Variants in PPP2R3A observed in about 807,000 individuals in gnomAD.
The protein encoded by PPP2R3A is protein phosphatase 2 regulatory subunit B''alpha.
In PPP2R3A, 80 loss-of-function variants were observed where a neutral mutation model predicts 106.9. The observed-to-expected ratio is 0.75, with a 90% confidence interval of 0.62 to 0.90. PPP2R3A has a LOEUF of 0.90. PPP2R3A is among the 40% of genes least tolerant of loss of function. The pLI is 0.00. For missense variants in PPP2R3A, 1,386 were observed against 1,350.4 expected (o/e 1.03, Z -0.41); for synonymous variants, 483 against 468.3 (o/e 1.03, Z -0.41).
At chr3:135,992,855 ACT>A (rs1279257915) in intron 1 of PPP2R3A, among the ~76,000 whole-genome samples, 1 of 152,134 alleles carries the variant, frequency 6.6e-6, no homozygotes, top group Admixed American at 6.6e-5. Flanking sequence ...AAAGCACAAA[ACT>A]CTGAGGAAGA....
chr3:136,001,246 A>G lies in PPP2R3A; in HGVS notation c.-253A>G. 2 of 482,266 alleles carry G rather than the reference A, an allele frequency of 4.1e-6. No homozygotes were observed. Among genetic ancestry groups the G allele is most frequent in the South Asian group, 4.9e-5 (1 of 20,436 alleles). The allele number at this position is 482,266 out of a possible 1,614,324, so 29.9% of individuals were successfully genotyped here. Reference sequence around the variant, plus strand: ...CAAAATAATTCTGCAGTATCATAATATTACTAAATAAAATTAAAAAGCACA... The same window carrying G: ...CAAAATAATTCTGCAGTATCATAATGTTACTAAATAAAATTAAAAAGCACA... On this transcript the variant is annotated 5_prime_UTR_variant, in exon 2 of 14. In the 5' UTR this introduces an upstream ATG that the reference lacks. Coordinates refer to ENST00000264977, the MANE Select transcript of PPP2R3A (RefSeq NM_002718.5).
rs559440192 is a variant in PPP2R3A, at chr3:135,978,648, AAG to A, written c.-441+12802_-441+12803del. 1.5e-3 allele frequency among the ~76,000 whole-genome samples: 221 copies of A among 151,978 alleles called. 6 individuals carry two copies. Among genetic ancestry groups the A allele is most frequent in the African/African-American group, 5.0e-3 (206 of 41,268 alleles). On this transcript the variant is annotated intron_variant, in intron 1 of 13. Transcript: ENST00000264977. ...AATGTGTTACAAAGAAATTCTCTCA[AAG>A]AGCAGTGTGAAACCATTTCTTCTAC... is the stretch of plus-strand genomic sequence containing the variant.
Position 136,001,564 on chromosome 3 carries a change from G to A in PPP2R3A, c.66G>A (p.Arg22=). 3 of 1,614,160 alleles carry A rather than the reference G, an allele frequency of 1.9e-6. No individual in the cohort carries two copies. ...VNHYSSVVID[R]RFEQAIHYCT... is the part of the protein sequence containing the mutation. ...ACTACAGCAGCGTGGTGATAGACCG[G>A]CGTTTTGAACAAGCTATACATTATT... Residue 22 remains arginine (R), a synonymous_variant, in exon 2 of 14, where the codon CGG becomes CGA. Transcript: ENST00000264977.
rs201533730 is a variant in PPP2R3A, at chr3:136,146,881, AT to A, written c.*1716del. ...AGATAGAAATACAAAAAAAAAAAAA[AT>A]ACTTTTCTTAGAAGCCAGATATGGT... On this transcript the variant is annotated 3_prime_UTR_variant, in exon 14 of 14. Coordinates refer to ENST00000264977, the MANE Select transcript of PPP2R3A (RefSeq NM_002718.5). 7.1e-3 allele frequency: 1,073 copies of A among 152,098 alleles called. 17 individuals are homozygous for A. Among genetic ancestry groups the A allele is most frequent in the African/African-American group, 0.025 (1,023 of 41,470 alleles). The allele number at this position is 152,098 out of a possible 1,614,324, so 9.4% of individuals were successfully genotyped here.
intron 10 of PPP2R3A, among the ~76,000 whole-genome samples, chr3:136,094,026 T>C (rs759171850): frequency 1.2e-4 from 18 of 152,226 alleles, no homozygotes; most frequent in Non-Finnish European, 1.9e-4. Context: ...CCAAGTATTA[T>C]ACAGCAGTAA....
chr3:136,012,826 G>A (rs1318223515), intron 2 of PPP2R3A, among the ~76,000 whole-genome samples: 2 of 152,068 alleles, frequency 1.3e-5, no homozygotes, highest in Non-Finnish European at 2.9e-5. Context: ...GGTTTTGGGG[G>A]CACAGGTGGT....
chr3:136,055,368 G>A, intron 5 of PPP2R3A: 1 of 959,638 alleles, frequency 1.0e-6, no homozygotes, highest in Non-Finnish European at 1.7e-6. Flanking sequence ...GCTACCTCAG[G>A]TCCACAGGTA....
Position 136,145,911 on chromosome 3 carries a change from T to TTATC in PPP2R3A, c.*747_*750dup, listed in dbSNP as rs1321415840. 2 of 152,228 alleles carry TTATC rather than the reference T, an allele frequency of 1.3e-5. No individual in the cohort carries two copies. Among genetic ancestry groups the TTATC allele is most frequent in the Non-Finnish European group, 2.9e-5 (2 of 68,028 alleles). The allele number at this position is 152,228 out of a possible 1,614,324, so 9.4% of individuals were successfully genotyped here. On this transcript the variant is annotated 3_prime_UTR_variant, in exon 14 of 14. Coordinates refer to ENST00000264977, the MANE Select transcript of PPP2R3A (RefSeq NM_002718.5). ...TACTTGGAAAAAGCCCTTTTAACTT[T>TTATC]TATCTTTTATTCATTGAACTATTGA...
chr3:136,110,990 A>T (rs1460660657), intron 13 of PPP2R3A, among the ~76,000 whole-genome samples: 4 of 152,194 alleles, frequency 2.6e-5, no homozygotes, highest in African/African-American at 9.7e-5. Flanking sequence ...CAAACCTAAA[A>T]TTCTGTTCTT....
chr3:136,083,489 A>G (rs983486517), intron 8 of PPP2R3A, among the ~76,000 whole-genome samples: 2 of 152,136 alleles, frequency 1.3e-5, no homozygotes, highest in African/African-American at 2.4e-5. Flanking sequence ...ATGTGGAACT[A>G]TGAGTCCATT....
chr3:135,991,834 G>A (rs941598632), intron 1 of PPP2R3A, among the ~76,000 whole-genome samples: 2 of 152,012 alleles, frequency 1.3e-5, no homozygotes, highest in African/African-American at 4.8e-5. Context: ...TCTCCACTGC[G>A]GTAAAAATAA....
intron 13 of PPP2R3A, among the ~76,000 whole-genome samples, chr3:136,108,514 A>C (rs992547446): frequency 1.3e-5 from 2 of 152,176 alleles, no homozygotes; most frequent in Non-Finnish European, 2.9e-5. Context: ...AGACAAAAGA[A>C]TATATGAAAT....
At chr3:136,079,693 C>T (rs1222387452) in intron 7 of PPP2R3A, among the ~76,000 whole-genome samples, 1 of 151,936 alleles carries the variant, frequency 6.6e-6, no homozygotes, top group Non-Finnish European at 1.5e-5. Flanking sequence ...AAGCGTGAGC[C>T]ACCATGCCTG....
At chr3:136,094,848 AG>A (rs778867690) in intron 10 of PPP2R3A, among the ~76,000 whole-genome samples, 5 of 152,248 alleles carry the variant, frequency 3.3e-5, no homozygotes, top group Admixed American at 6.5e-5. Context: ...GAAAACAGAA[AG>A]GGAAGGAATA....
intron 2 of PPP2R3A, among the ~76,000 whole-genome samples, chr3:136,014,792 T>C (rs1269553238): frequency 1.3e-5 from 2 of 152,168 alleles, no homozygotes; most frequent in Non-Finnish European, 2.9e-5. Flanking sequence ...TGACTTCTTC[T>C]TTACCTATTT....
At chr3:136,136,570 A>G (rs1938632473) in intron 13 of PPP2R3A, among the ~76,000 whole-genome samples, 3 of 152,146 alleles carry the variant, frequency 2.0e-5, no homozygotes, top group Admixed American at 1.3e-4. Flanking sequence ...TTGTTTTACC[A>G]TTAGATTGTG....
At chr3:136,007,837 A>G (rs6775778) in intron 2 of PPP2R3A, among the ~76,000 whole-genome samples, 26,590 of 152,174 alleles carry the variant, frequency 0.17, 2,894 homozygotes, top group Non-Finnish European at 0.24. Context: ...GGAAAAGGAT[A>G]TTTCTGGCCG....
chr3:136,136,507 A>AT (rs1358265061), intron 13 of PPP2R3A, among the ~76,000 whole-genome samples: 3 of 152,188 alleles, frequency 2.0e-5, no homozygotes, highest in Non-Finnish European at 4.4e-5. Flanking sequence ...GATAATGTAT[A>AT]TAATGAATCT....
intron 13 of PPP2R3A, among the ~76,000 whole-genome samples, chr3:136,129,067 G>A (rs1411239081): frequency 1.3e-5 from 2 of 151,920 alleles, no homozygotes; most frequent in Non-Finnish European, 2.9e-5. Flanking sequence ...GAGAAAGCAG[G>A]AAAGATCTAA....
Sources: allele counts gnomAD v4.1 joint callset (sites outside exome capture counted in the v4.1 genomes callset), GRCh38; gene constraint gnomAD v4.1.1; transcripts MANE v1.5; gene names NCBI Gene and HGNC (gene_info 2026-07-23, HGNC 2026-07-21).